Variants in LRP1B observed in about 807,000 individuals in gnomAD.
LRP1B encodes the protein LDL receptor related protein 1B.
In LRP1B, 217 loss-of-function variants were observed where a neutral mutation model predicts 556.6. That is an observed-to-expected ratio of 0.39 (90% CI 0.35 to 0.44). The LOEUF is 0.44. Ranked by LOEUF, LRP1B falls within the 20% of genes least tolerant of loss-of-function variation. The pLI is 1.00. For missense variants in LRP1B, 5,053 were observed against 5,620.8 expected (o/e 0.90, Z 3.23); for synonymous variants, 2,047 against 1,865.8 (o/e 1.10, Z -2.50).
At chr2:140,640,378 G>GTTTT (rs1684241670) in intron 41 of LRP1B, among the ~76,000 whole-genome samples, 1 of 61,118 alleles carries the variant, frequency 1.6e-5, no homozygotes, top group Non-Finnish European at 3.2e-5. Context: ...CCCTTGTCCT[G>GTTTT]TTTTCTTTTT....
intron 1 of LRP1B, among the ~76,000 whole-genome samples, chr2:141,962,214 T>C (rs1460841611): frequency 6.6e-6 from 1 of 151,764 alleles, no homozygotes; most frequent in Non-Finnish European, 1.5e-5. Flanking sequence ...GATATTCATC[T>C]ATCTTCATTC....
chr2:141,148,420 G>GA (rs542997818), intron 7 of LRP1B, among the ~76,000 whole-genome samples: 43 of 152,182 alleles, frequency 2.8e-4, no homozygotes, highest in Non-Finnish European at 4.7e-4. Context: ...CAGGAGGAAA[G>GA]ACGTTTTGTT....
chr2:141,289,230 A>G (rs958538870), intron 3 of LRP1B, among the ~76,000 whole-genome samples: 4 of 151,608 alleles, frequency 2.6e-5, no homozygotes, highest in African/African-American at 9.7e-5. Context: ...TAAAAATACA[A>G]AAAAAATTAG....
At chr2:141,309,834 C>A (rs1412118459) in intron 3 of LRP1B, among the ~76,000 whole-genome samples, 1 of 151,788 alleles carries the variant, frequency 6.6e-6, no homozygotes, top group African/African-American at 2.4e-5. Flanking sequence ...CCACCCCACC[C>A]CACTTTTTTT....
At chr2:140,303,544 G>A (rs552823820) in intron 83 of LRP1B, among the ~76,000 whole-genome samples, 1 of 152,100 alleles carries the variant, frequency 6.6e-6, no homozygotes, top group East Asian at 1.9e-4. Flanking sequence ...ACCACACCTA[G>A]CCCATAATAA....
At chr2:140,914,129 A>G (rs1694505800) in intron 21 of LRP1B, among the ~76,000 whole-genome samples, 1 of 152,108 alleles carries the variant, frequency 6.6e-6, no homozygotes, top group South Asian at 2.1e-4. Context: ...ATTTTTTTAA[A>G]GTATGTGTTC....
At chr2:140,469,856 A>AAGT (rs1339281776) in intron 60 of LRP1B, among the ~76,000 whole-genome samples, 1 of 152,208 alleles carries the variant, frequency 6.6e-6, no homozygotes, top group Non-Finnish European at 1.5e-5. Flanking sequence ...CCTGATTACT[A>AAGT]GCTCTGTGAC....
intron 2 of LRP1B, among the ~76,000 whole-genome samples, chr2:141,699,996 C>T (rs535974987): frequency 6.6e-6 from 1 of 151,098 alleles, no homozygotes; most frequent in African/African-American, 2.4e-5. Flanking sequence ...TGGAACTCTA[C>T]CTTTGAAACT....
At chr2:141,914,445 C>G (rs1262887256) in intron 1 of LRP1B, among the ~76,000 whole-genome samples, 6 of 152,148 alleles carry the variant, frequency 3.9e-5, no homozygotes, top group Admixed American at 3.9e-4. Flanking sequence ...ATAAAGACAT[C>G]AGGTGGATGC....
At chr2:140,606,252 C>A (rs114046318) in intron 41 of LRP1B, among the ~76,000 whole-genome samples, 6,227 of 151,722 alleles carry the variant, frequency 0.041, 177 homozygotes, top group Middle Eastern at 0.083. Context: ...ATTAAAAAGA[C>A]AATTTAATTT....
chr2:140,657,520 G>A (rs1398631043), intron 41 of LRP1B, among the ~76,000 whole-genome samples: 2 of 149,706 alleles, frequency 1.3e-5, no homozygotes, highest in Admixed American at 1.3e-4. Flanking sequence ...TAAGAGGGCT[G>A]GCTGGATGGA....
intron 2 of LRP1B, among the ~76,000 whole-genome samples, chr2:141,655,838 G>A (rs957311049): frequency 6.6e-6 from 1 of 152,000 alleles, no homozygotes; most frequent in Non-Finnish European, 1.5e-5. Flanking sequence ...TGCCAAGTAG[G>A]AAATATATTT....
chr2:140,768,975 G>A (rs1172842152), intron 35 of LRP1B, among the ~76,000 whole-genome samples: 3 of 151,760 alleles, frequency 2.0e-5, no homozygotes, highest in Non-Finnish European at 4.4e-5. Context: ...AGTGCCAATG[G>A]TGGTATGTTA....
Position 140,994,100 on chromosome 2 carries a change from C to A in LRP1B, c.2539G>T (p.Ala847Ser). 6.2e-7 allele frequency: 1 copy of A among 1,612,566 alleles called. No individual in the cohort carries two copies. Among genetic ancestry groups the A allele is most frequent in the Non-Finnish European group, 8.5e-7 (1 of 1,179,052 alleles). ...CTGTTTTTGCAGCGAAACTCTCCAG[C>A]TTTACATATGTGAGGTAGTGCTTCT... ...PGEALPHICK[A>S]GEFRCKNRHC... is the part of the protein sequence containing the mutation. The change falls in exon 16 of 91, where the codon GCT becomes TCT. Residue 847 changes from alanine to serine, a missense_variant. Coordinates refer to ENST00000389484, the MANE Select transcript of LRP1B (RefSeq NM_018557.3).
At chr2:140,304,344 C>T (rs1683971164) in intron 83 of LRP1B, among the ~76,000 whole-genome samples, 1 of 152,050 alleles carries the variant, frequency 6.6e-6, no homozygotes, top group South Asian at 2.1e-4. Context: ...TTTTAATGAT[C>T]ACCATTCTAA....
In LRP1B at chr2:141,711,599, C is replaced by T. The variant is rs183640781; in HGVS notation, c.205+98680G>A. The stretch of plus-strand genomic sequence containing the variant: ...AATGCATCTGTTCTTTCTTGCATTT[C>T]TAGCAATACCCCTGATGCTTTAAAA... On this transcript the variant is annotated intron_variant, in intron 2 of 90. Coordinates refer to ENST00000389484, the MANE Select transcript of LRP1B (RefSeq NM_018557.3). Among the ~76,000 whole-genome samples, 550 of 152,298 alleles carry T rather than the reference C, an allele frequency of 3.6e-3. 3 individuals carry two copies. The highest frequency in any genetic ancestry group is 7.3e-3 in the South Asian group (35 of 4,826).
chr2:140,938,336 T>C lies in LRP1B; in HGVS notation c.3136+11899A>G, dbSNP rs544390053. ...GAATCTATTTTATCAAGGTGAATTA[T>C]GAAAAGTAAAAGAGAATAAAAACAA... On this transcript the variant is annotated intron_variant, in intron 20 of 90. Coordinates refer to ENST00000389484, the MANE Select transcript of LRP1B (RefSeq NM_018557.3). Among the ~76,000 whole-genome samples, 392 of 152,124 alleles carry C rather than the reference T, an allele frequency of 2.6e-3. 2 individuals are homozygous for C. Among genetic ancestry groups the C allele is most frequent in the African/African-American group, 8.8e-3 (366 of 41,528 alleles).
chr2:140,756,439 A>G (rs759908111), intron 35 of LRP1B, among the ~76,000 whole-genome samples: 24 of 152,212 alleles, frequency 1.6e-4, no homozygotes, highest in Admixed American at 3.3e-4. Flanking sequence ...GCTGAATACA[A>G]AGCTATAGTA....
intron 43 of LRP1B, among the ~76,000 whole-genome samples, chr2:140,542,452 G>C (rs949208940): frequency 6.6e-6 from 1 of 152,070 alleles, no homozygotes; most frequent in Non-Finnish European, 1.5e-5. Flanking sequence ...ACATGTCTGA[G>C]AATAAAAGTT....
Sources: allele counts gnomAD v4.1 joint callset (sites outside exome capture counted in the v4.1 genomes callset), GRCh38; gene constraint gnomAD v4.1.1; transcripts MANE v1.5; gene names NCBI Gene and HGNC (gene_info 2026-07-23, HGNC 2026-07-21).